The following AK8 variants were observed in gnomAD, a reference collection of about 807,000 sequenced individuals.
The protein encoded by AK8 is adenylate kinase 8.
Under a neutral mutation model 54.6 loss-of-function variants are expected in AK8, and 44 were observed. The observed-to-expected ratio is 0.81, with a 90% CI of 0.63 to 1.04. The LOEUF is 1.04. Among genes scored for constraint, AK8 ranks in the 50% least tolerant of loss-of-function variants. AK8 has a pLI of 0.00. For synonymous variants in AK8, 239 were observed against 245.6 expected, an observed-to-expected ratio of 0.97 and a Z score of 0.25; for missense variants, 555 against 613.6, an observed-to-expected ratio of 0.90 and a Z score of 1.01.
intron 5 of AK8, among the ~76,000 whole-genome samples, chr9:132,849,638 G>T (rs1200775073): frequency 6.6e-6 from 1 of 152,158 alleles, no homozygotes; most frequent in Non-Finnish European, 1.5e-5. Flanking sequence ...CGGCCGGCAG[G>T]GTGTTTGTGA....
At chr9:132,813,015 C>A (rs1754427) in intron 10 of AK8, among the ~76,000 whole-genome samples, 1 of 134,852 alleles carries the variant, frequency 7.4e-6, no homozygotes, top group African/African-American at 3.0e-5. Flanking sequence ...CACTGCCCTG[C>A]ACCTACAGAG....
At chr9:132,872,297 C>T (rs1843876769) in intron 2 of AK8, among the ~76,000 whole-genome samples, 1 of 152,140 alleles carries the variant, frequency 6.6e-6, no homozygotes, top group South Asian at 2.1e-4. Flanking sequence ...AATCTCCCCA[C>T]TGCACTCCAG....
rs369707430 is a variant in AK8 at position 132,736,376 on chromosome 9, C to T, written c.1122-8842G>A. Among the ~76,000 whole-genome samples, 113 of 151,548 alleles carry T rather than the reference C, an allele frequency of 7.5e-4. 4 individuals are homozygous for T. The South Asian group carries it at 0.023, about 31-fold the overall frequency. On this transcript the variant is annotated intron_variant, in intron 11 of 12. Coordinates refer to ENST00000298545, the MANE Select transcript of AK8 (RefSeq NM_152572.3). Reference sequence around the variant, plus strand: ...TAATTTTTTGTATTTTTAGTAGAGACGGGGATCCACCATGTTGGCCAGGCT... The same window carrying T: ...TAATTTTTTGTATTTTTAGTAGAGATGGGGATCCACCATGTTGGCCAGGCT...
chr9:132,806,352 C>T (rs1055970172), intron 10 of AK8, among the ~76,000 whole-genome samples: 3 of 152,114 alleles, frequency 2.0e-5, no homozygotes, highest in Admixed American at 6.5e-5. Context: ...AGCACTGTAC[C>T]GGTTACTGTA....
intron 5 of AK8, among the ~76,000 whole-genome samples, chr9:132,833,956 G>A (rs956569773): frequency 1.3e-5 from 2 of 152,240 alleles, no homozygotes; most frequent in Non-Finnish European, 2.9e-5. Context: ...CCCAGGACCA[G>A]AGCGTGGGGC....
chr9:132,736,159 T>C (rs1335882182), intron 11 of AK8, among the ~76,000 whole-genome samples: 1 of 151,588 alleles, frequency 6.6e-6, no homozygotes, highest in Admixed American at 6.6e-5. Flanking sequence ...AGTGCATGAC[T>C]GTACATACGA....
intron 11 of AK8, among the ~76,000 whole-genome samples, chr9:132,776,804 A>C (rs560183388): frequency 1.3e-5 from 2 of 152,258 alleles, no homozygotes; most frequent in Admixed American, 1.3e-4. Context: ...CCCAGCTTTG[A>C]AGTCATGGCT....
intron 2 of AK8, among the ~76,000 whole-genome samples, chr9:132,874,767 G>A (rs937985067): frequency 6.6e-6 from 1 of 152,250 alleles, no homozygotes; most frequent in African/African-American, 2.4e-5. Flanking sequence ...TCAGAGAGCT[G>A]AAACCCAACA....
chr9:132,878,101 G>A lies in AK8; in HGVS notation c.84+71C>T. On this transcript the variant is annotated intron_variant, in intron 1 of 12. Coordinates refer to ENST00000298545, the MANE Select transcript of AK8 (RefSeq NM_152572.3). This position sits in a 1 kb window ranked among gnomAD's most constrained non-coding sequence, Gnocchi z 4.7. ...TCGGCCCCAGCTGCGGGTCCCGGCC[G>A]CGCACCCGACGTCGCAGTGGAGGCT... The A allele has an allele frequency of 6.5e-7, 1 of 1,542,798 alleles. No individual in the cohort carries two copies. Among genetic ancestry groups the A allele is most frequent in the Non-Finnish European group, 8.8e-7 (1 of 1,140,990 alleles).
At chr9:132,735,247 C>T (rs1163821854) in intron 11 of AK8, among the ~76,000 whole-genome samples, 7 of 152,224 alleles carry the variant, frequency 4.6e-5, no homozygotes, top group Non-Finnish European at 7.3e-5. Context: ...GCCTGAGATT[C>T]TGTTTGAAGA....
At chr9:132,823,468 G>T (rs1019252336) in intron 8 of AK8, 132 bp from the exon 9 acceptor site, 1 of 1,291,536 alleles carries the variant, frequency 7.7e-7, no homozygotes, top group African/African-American at 1.5e-5. Context: ...GAAGCCCTCT[G>T]TGCATCTGGC....
chr9:132,740,062 C>A lies in AK8; in HGVS notation c.1122-12528G>T, dbSNP rs564185351. ...AGTAAATTTCAAGCTGCCAACATGG[C>A]GTCCTTAAATGCGGAAGAGAAGTGC... is the stretch of plus-strand genomic sequence containing the variant. On this transcript the variant is annotated intron_variant, in intron 11 of 12. Coordinates refer to ENST00000298545, the MANE Select transcript of AK8 (RefSeq NM_152572.3). Among the ~76,000 whole-genome samples, 7 of 152,330 alleles carry A rather than the reference C, an allele frequency of 4.6e-5. No homozygotes were observed. The East Asian group carries it at 1.2e-3, about 25-fold the overall frequency.
intron 5 of AK8, among the ~76,000 whole-genome samples, chr9:132,843,977 A>C (rs1269437419): frequency 1.3e-5 from 2 of 152,228 alleles, no homozygotes; most frequent in African/African-American, 4.8e-5. Flanking sequence ...AATAAAGGAA[A>C]GGGATTCTTA....
At position 132,875,123 on chromosome 9, in the gene AK8, T is replaced by C. The variant is rs779490846; in HGVS notation, c.161A>G (p.Asn54Ser). ...CCCCAGCCAGTGCTCACCATTGTCG[T>C]TGTCTCTATGCAAGTGCTGGATCAT... ...PFMIQHLHRD[N>S]DNVPRIVILG... The change falls in exon 2 of 13, where the codon AAC (asparagine) becomes AGC (serine). Residue 54 changes from asparagine to serine, a missense_variant. By Grantham distance (46) the Asn-to-Ser change is conservative. Transcript: ENST00000298545. The C allele has an allele frequency of 6.8e-6, 11 of 1,613,938 alleles. No homozygotes were observed. The highest frequency in any genetic ancestry group is 1.1e-5 in the South Asian group (1 of 91,062).
chr9:132,833,503 G>C (rs1238962103), intron 5 of AK8, among the ~76,000 whole-genome samples: 1 of 152,194 alleles, frequency 6.6e-6, no homozygotes, highest in East Asian at 1.9e-4. Context: ...TCAGTGAAAT[G>C]TCTATTCCAC....
At chr9:132,747,612 G>A (rs961116514) in intron 11 of AK8, among the ~76,000 whole-genome samples, 1 of 149,136 alleles carries the variant, frequency 6.7e-6, no homozygotes, top group Non-Finnish European at 1.5e-5. Context: ...TTTGTATTTT[G>A]TAGAGAGGGG....
At chr9:132,839,828 G>GGGC (rs1554801285) in intron 5 of AK8, among the ~76,000 whole-genome samples, 2 of 147,414 alleles carry the variant, frequency 1.4e-5, no homozygotes, top group African/African-American at 5.1e-5. Flanking sequence ...GCCGGGGGGG[G>GGGC]GGGCGCAGGG....
chr9:132,859,503 C>T (rs1413147396), intron 4 of AK8, among the ~76,000 whole-genome samples: 1 of 152,054 alleles, frequency 6.6e-6, no homozygotes, highest in Non-Finnish European at 1.5e-5. Context: ...TAAGCCACTG[C>T]ACCCAGCCAG....
intron 11 of AK8, among the ~76,000 whole-genome samples, chr9:132,737,388 T>C (rs967107843): frequency 3.9e-5 from 6 of 152,250 alleles, no homozygotes; most frequent in African/African-American, 1.4e-4. Context: ...ACTGATTTTA[T>C]TCGTCAGCTT....
Sources: allele counts gnomAD v4.1 joint callset (sites outside exome capture counted in the v4.1 genomes callset), GRCh38; gene constraint gnomAD v4.1.1; non-coding constraint Gnocchi (gnomAD v3.1); transcripts MANE v1.5; gene names NCBI Gene and HGNC (gene_info 2026-07-23, HGNC 2026-07-21).